HACE1: variants seen among roughly 807,000 people sequenced by gnomAD.
HACE1 encodes the protein E3 ubiquitin-protein ligase HACE1.
Under a neutral mutation model 118.4 loss-of-function variants are expected in HACE1, and 73 were observed. That is an observed-to-expected ratio of 0.62 (90% CI 0.51 to 0.75). The LOEUF is 0.75. Ranked by LOEUF, HACE1 falls within the 30% of genes least tolerant of loss-of-function variation. The probability of loss-of-function intolerance (pLI) is 0.00; values close to 1 mark genes in which losing one functional copy is unlikely to be tolerated. For synonymous variants in HACE1, 368 were observed against 374.8 expected (o/e 0.98, Z 0.21); for missense variants, 749 against 1,102.2 (o/e 0.68, Z 4.54).
chr6:104,745,433 T>A (rs9322810), intron 20 of HACE1, among the ~76,000 whole-genome samples: 35,975 of 149,654 alleles, frequency 0.24, 4,725 homozygotes, highest in African/African-American at 0.34. Flanking sequence ...TTTACACTGA[T>A]GATTCAGAAT....
At chr6:104,807,955 G>A (rs1205765293) in intron 7 of HACE1, among the ~76,000 whole-genome samples, 2 of 152,144 alleles carry the variant, frequency 1.3e-5, no homozygotes, top group African/African-American at 4.8e-5. Context: ...GGGAGGATGA[G>A]ACAGCCAGAT....
intron 11 of HACE1, among the ~76,000 whole-genome samples, chr6:104,789,091 A>T (rs1342630050): frequency 6.6e-6 from 1 of 152,088 alleles, no homozygotes; most frequent in Non-Finnish European, 1.5e-5. Context: ...ACTAGCAAAG[A>T]TTTTTACTTG....
intron 22 of HACE1, 82 bp from the exon 23 acceptor site, chr6:104,730,498 A>T: frequency 1.3e-6 from 1 of 765,460 alleles, no homozygotes; most frequent in East Asian, 2.6e-5. Context: ...AAGTTAGGGT[A>T]GGAATATATC....
chr6:104,784,503 C>G lies in HACE1; in HGVS notation c.1410-18G>C. The stretch of plus-strand genomic sequence containing the variant: ...AAGTCATTCTGTGGGGGGAAAACAT[C>G]AATCAGAATACACAGGCAAAAGTTT... On this transcript the variant is annotated intron_variant, in intron 12 of 23. Coordinates refer to ENST00000262903, the MANE Select transcript of HACE1 (RefSeq NM_020771.4). 6.4e-7 allele frequency: 1 copy of G among 1,571,028 alleles called. No individual in the cohort carries two copies. Among genetic ancestry groups the G allele is most frequent in the South Asian group, 1.1e-5 (1 of 90,276 alleles).
At chr6:104,768,280 C>T (rs900521563) in intron 19 of HACE1, among the ~76,000 whole-genome samples, 7 of 151,756 alleles carry the variant, frequency 4.6e-5, no homozygotes, top group Non-Finnish European at 8.8e-5. Flanking sequence ...ATTATAAAGT[C>T]GAACTCTAAA....
intron 7 of HACE1, among the ~76,000 whole-genome samples, chr6:104,801,173 G>C (rs1770298507): frequency 6.6e-6 from 1 of 152,100 alleles, no homozygotes. Flanking sequence ...GAGAAAAAAA[G>C]AGCAAAAAGA....
At chr6:104,782,728 C>T (rs1440491989) in intron 14 of HACE1, among the ~76,000 whole-genome samples, 2 of 152,148 alleles carry the variant, frequency 1.3e-5, no homozygotes, top group African/African-American at 4.8e-5. Flanking sequence ...TTCTCTTTCA[C>T]ATTATCATTA....
chr6:104,793,128 G>A lies in HACE1; in HGVS notation c.924-1474C>T, dbSNP rs149322842. On this transcript the variant is annotated intron_variant, in intron 10 of 23. Transcript: ENST00000262903. ...TAAAAATACAAAAAATTAGCCGGGC[G>A]TGGTGGCAGGCCCATGTAGTCCCAG... 2.5e-3 allele frequency among the ~76,000 whole-genome samples: 379 copies of A among 152,102 alleles called. 2 individuals carry two copies. Among genetic ancestry groups the A allele is most frequent in the African/African-American group, 8.5e-3 (351 of 41,510 alleles).
chr6:104,771,705 GAA>G (rs55710828), intron 18 of HACE1, among the ~76,000 whole-genome samples: 2 of 86,232 alleles, frequency 2.3e-5, no homozygotes, highest in African/African-American at 4.3e-5. Context: ...CACAAAAATT[GAA>G]AAAAAAAAAA....
chr6:104,788,236 G>C (rs139710697), intron 11 of HACE1, among the ~76,000 whole-genome samples: 108 of 151,814 alleles, frequency 7.1e-4, no homozygotes, highest in African/African-American at 2.4e-3. Flanking sequence ...ATTTGTTACC[G>C]AACAATGAGT....
At chr6:104,845,392 T>A (rs1010504458) in intron 4 of HACE1, among the ~76,000 whole-genome samples, 4 of 152,130 alleles carry the variant, frequency 2.6e-5, no homozygotes, top group African/African-American at 9.7e-5. Context: ...CTTTTCTTGC[T>A]TTTTGTACTT....
intron 22 of HACE1, among the ~76,000 whole-genome samples, chr6:104,742,765 G>C (rs1050572494): frequency 6.6e-6 from 1 of 151,862 alleles, no homozygotes; most frequent in African/African-American, 2.4e-5. Context: ...GATTCCTCAG[G>C]GATCTAGAAC....
intron 17 of HACE1, among the ~76,000 whole-genome samples, 176 bp from the exon 18 acceptor site, chr6:104,772,250 G>C (rs1160833436): frequency 1.3e-5 from 2 of 152,166 alleles, no homozygotes; most frequent in African/African-American, 4.8e-5. Flanking sequence ...AGTAGAATTG[G>C]AAGTATAGAT....
At chr6:104,836,861 G>A (rs769707771) in intron 5 of HACE1, among the ~76,000 whole-genome samples, 2 of 152,100 alleles carry the variant, frequency 1.3e-5, no homozygotes, top group Non-Finnish European at 2.9e-5. Context: ...ATTTCCATCT[G>A]AACATGCATA....
chr6:104,819,070 C>T lies in HACE1; in HGVS notation c.535-7677G>A, dbSNP rs61435961. On this transcript the variant is annotated intron_variant, in intron 6 of 23. Transcript: ENST00000262903. The stretch of plus-strand genomic sequence containing the variant: ...CAGGCAAGAGAAAAAAACAAAAGGC[C>T]AAACAAATAGCAAGAAAAGAAGTCA... Among the ~76,000 whole-genome samples, 366 of 152,204 alleles carry T rather than the reference C, an allele frequency of 2.4e-3. 1 individual carries two copies. The highest frequency in any genetic ancestry group is 8.6e-3 in the African/African-American group (358 of 41,526).
At chr6:104,764,951 C>A (rs1210998992) in intron 19 of HACE1, among the ~76,000 whole-genome samples, 1 of 152,184 alleles carries the variant, frequency 6.6e-6, no homozygotes, top group Non-Finnish European at 1.5e-5. Context: ...GCACTGGCAA[C>A]AGCATACACA....
intron 17 of HACE1, among the ~76,000 whole-genome samples, chr6:104,776,377 T>C (rs1781226644): frequency 6.6e-6 from 1 of 152,200 alleles, no homozygotes. Flanking sequence ...ATTTATGAAA[T>C]AAAACATTTA....
chr6:104,827,060 G>C (rs1773410436), intron 6 of HACE1, among the ~76,000 whole-genome samples: 1 of 152,112 alleles, frequency 6.6e-6, no homozygotes, highest in African/African-American at 2.4e-5. Context: ...AGTGGAAAAC[G>C]AACATACAAA....
chr6:104,832,923 G>C, intron 6 of HACE1, 119 bp downstream of exon 6: 1 of 959,306 alleles, frequency 1.0e-6, no homozygotes, highest in Non-Finnish European at 1.7e-6. Context: ...ATATGATGCA[G>C]AAAATAAGAT....
Sources: allele counts gnomAD v4.1 joint callset (sites outside exome capture counted in the v4.1 genomes callset), GRCh38; gene constraint gnomAD v4.1.1; transcripts MANE v1.5; gene names NCBI Gene and HGNC (gene_info 2026-07-23, HGNC 2026-07-21).